The following STRN variants were observed in gnomAD, a reference collection of about 807,000 sequenced individuals.
The protein encoded by STRN is striatin, also known as protein phosphatase 2 regulatory subunit B'''alpha.
Under a neutral mutation model 96.3 loss-of-function variants are expected in STRN, and 53 were observed. The observed-to-expected ratio is 0.55, with a 90% CI of 0.44 to 0.69. The LOEUF (loss-of-function observed/expected upper bound fraction) is 0.69, where lower values mean the gene tolerates loss of function less well. STRN is among the 30% of genes least tolerant of loss of function. The probability of loss-of-function intolerance (pLI) is 0.00; values close to 1 mark genes in which losing one functional copy is unlikely to be tolerated. For missense variants in STRN, 987 were observed against 963.9 expected, an observed-to-expected ratio of 1.02 and a Z score of -0.32; for synonymous variants, 428 against 355.9, an observed-to-expected ratio of 1.20 and a Z score of -2.28.
chr2:36,965,994 G>A (rs548623849), intron 1 of STRN, among the ~76,000 whole-genome samples: 3 of 152,094 alleles, frequency 2.0e-5, no homozygotes, highest in African/African-American at 7.2e-5. Flanking sequence ...TGGGGCGGAC[G>A]AACAGGCGTG....
chr2:36,867,074 T>C (rs1668647251), intron 12 of STRN, among the ~76,000 whole-genome samples: 1 of 152,230 alleles, frequency 6.6e-6, no homozygotes, highest in South Asian at 2.1e-4. Context: ...ATCATGTTGT[T>C]AGCTGGTTAT....
chr2:36,843,381 C>T lies in STRN; in HGVS notation c.*6075G>A, dbSNP rs1667993483. On this transcript the variant is annotated 3_prime_UTR_variant, in exon 18 of 18. Transcript: ENST00000263918. ...TTGAAGGGGCAGGGAGTGTGGAAGG[C>T]TTGTGTATGTCTGTTAAGTAGCGAA... Among the ~76,000 whole-genome samples the T allele has an allele frequency of 6.6e-6, 1 of 152,040 alleles. No individual in the cohort carries two copies. Among genetic ancestry groups the T allele is most frequent in the South Asian group, 2.1e-4 (1 of 4,828 alleles).
chr2:36,879,074 G>C (rs1374546674), intron 9 of STRN, among the ~76,000 whole-genome samples: 1 of 147,790 alleles, frequency 6.8e-6, no homozygotes, highest in Non-Finnish European at 1.5e-5. Flanking sequence ...TTGTTTATTT[G>C]TTTTTTTTGT....
chr2:36,883,077 TAAG>T (rs1210944715), intron 9 of STRN, among the ~76,000 whole-genome samples: 1 of 152,190 alleles, frequency 6.6e-6, no homozygotes, highest in Non-Finnish European at 1.5e-5. Flanking sequence ...TGTATGATTT[TAAG>T]AACACAAAAT....
intron 2 of STRN, among the ~76,000 whole-genome samples, chr2:36,922,098 G>GA (rs562322008): frequency 8.5e-5 from 13 of 152,086 alleles, no homozygotes; most frequent in East Asian, 7.7e-4. Context: ...TGATTTAGGG[G>GA]AAAAAAATGG....
intron 1 of STRN, among the ~76,000 whole-genome samples, chr2:36,935,219 A>G (rs1670673022): frequency 6.6e-6 from 1 of 152,050 alleles, no homozygotes; most frequent in Admixed American, 6.6e-5. Flanking sequence ...ATGCCCTTTC[A>G]TTTTCGGATT....
At chr2:36,909,229 T>G (rs1160308241) in intron 3 of STRN, among the ~76,000 whole-genome samples, 7 of 151,756 alleles carry the variant, frequency 4.6e-5, no homozygotes. Flanking sequence ...ATTTCCTTAC[T>G]CAGGCTAAGC....
intron 5 of STRN, among the ~76,000 whole-genome samples, chr2:36,901,970 TAACA>T (rs1360944996): frequency 6.6e-6 from 1 of 152,184 alleles, no homozygotes; most frequent in African/African-American, 2.4e-5. Context: ...TTTATTCAAT[TAACA>T]ATCACGGAAA....
intron 10 of STRN, among the ~76,000 whole-genome samples, chr2:36,872,455 T>A (rs531589069): frequency 6.6e-6 from 1 of 152,204 alleles, no homozygotes; most frequent in East Asian, 1.9e-4. Flanking sequence ...TGCAACTACA[T>A]TGGAGACCCT....
intron 13 of STRN, among the ~76,000 whole-genome samples, chr2:36,860,608 T>G (rs1339177246): frequency 2.0e-5 from 3 of 152,218 alleles, no homozygotes; most frequent in Non-Finnish European, 4.4e-5. Context: ...TATCCATTGA[T>G]AGATTATAAT....
chr2:36,844,596 G>C lies in STRN; in HGVS notation c.*4860C>G, dbSNP rs532875879. ...GATTAGCAAAGATCCAGAAAATTCT[G>C]ACCCCCTAAGCACCACTTTAGGAAT... is the stretch of plus-strand genomic sequence containing the variant. On this transcript the variant is annotated 3_prime_UTR_variant, in exon 18 of 18. Transcript: ENST00000263918. 5 of 152,194 alleles carry C rather than the reference G, an allele frequency of 3.3e-5. No individual in the cohort carries two copies. In the South Asian group the frequency reaches 1.0e-3, roughly 32 times the overall value. The allele number at this position is 152,194 out of a possible 1,614,324, so 9.4% of individuals were successfully genotyped here. A position where few individuals can be genotyped will look rare whatever the true frequency, so the allele number is the denominator to read the frequency against.
At chr2:36,956,218 T>C (rs1558669299) in intron 1 of STRN, among the ~76,000 whole-genome samples, 1 of 152,222 alleles carries the variant, frequency 6.6e-6, no homozygotes, top group African/African-American at 2.4e-5. Flanking sequence ...TAATGCCTTC[T>C]GTCCATAGAA....
chr2:36,899,581 T>C lies in STRN; in HGVS notation c.737A>G (p.Asp246Gly). 6.2e-7 allele frequency: 1 copy of C among 1,613,826 alleles called. No individual in the cohort carries two copies. The highest frequency in any genetic ancestry group is 8.5e-7 in the Non-Finnish European group (1 of 1,179,946). The change falls in exon 6 of 18, where the codon GAT becomes GGT. Residue 246 changes from aspartate (D) to glycine (G), a missense_variant. By Grantham distance (94) the Asp-to-Gly change is moderately conservative. Transcript: ENST00000263918. ...ATCAACATCATCATCTTCATCTTCA[T>C]CACTGAAATCTGCAGCTGCACTTTC... ...FLESAAADFSDEDEDDDVDGR... is the reference protein window; with the variant it reads ...FLESAAADFSGEDEDDDVDGR...
chr2:36,916,177 A>G, intron 2 of STRN, 26 bp from the exon 3 acceptor site: 1 of 1,575,966 alleles, frequency 6.3e-7, no homozygotes, highest in Non-Finnish European at 8.7e-7. Context: ...GAAAATACAG[A>G]CCATCTTAAA....
At chr2:36,949,240 G>T (rs185509120) in intron 1 of STRN, among the ~76,000 whole-genome samples, 1 of 152,096 alleles carries the variant, frequency 6.6e-6, no homozygotes, top group Non-Finnish European at 1.5e-5. Flanking sequence ...TACCATCTAG[G>T]GTTGTGTAAG....
intron 6 of STRN, among the ~76,000 whole-genome samples, chr2:36,896,976 T>C (rs1466721461): frequency 2.0e-5 from 3 of 152,122 alleles, no homozygotes; most frequent in Non-Finnish European, 2.9e-5. Context: ...GAGACCAGCC[T>C]GACCAACATG....
In STRN at chr2:36,840,205, A is replaced by C. The variant is rs149304162; in HGVS notation, c.*9251T>G. ...AGTGGACCTGTTCTGAGCCCAGGAT[A>C]ATCAAGGCAGGCTCAGGTTCCAGGC... On this transcript the variant is annotated 3_prime_UTR_variant, in exon 18 of 18. Coordinates refer to ENST00000263918, the MANE Select transcript of STRN (RefSeq NM_003162.4). 6.0e-3 allele frequency: 908 copies of C among 152,210 alleles called. 2 individuals carry two copies. Among genetic ancestry groups the C allele is most frequent in the Non-Finnish European group, 9.8e-3 (664 of 68,040 alleles). The allele number at this position is 152,210 out of a possible 1,614,324, so 9.4% of individuals were successfully genotyped here. A position where few individuals can be genotyped will look rare whatever the true frequency, so the allele number is the denominator to read the frequency against.
At chr2:36,936,657 G>A (rs1297741904) in intron 1 of STRN, among the ~76,000 whole-genome samples, 1 of 152,134 alleles carries the variant, frequency 6.6e-6, no homozygotes, top group Non-Finnish European at 1.5e-5. Flanking sequence ...AACTATATTT[G>A]AGAAAGATGG....
At chr2:36,963,249 G>T (rs11685600) in intron 1 of STRN, among the ~76,000 whole-genome samples, 1 of 152,158 alleles carries the variant, frequency 6.6e-6, no homozygotes, top group African/African-American at 2.4e-5. Context: ...CCTTTCACAA[G>T]TCTTCCCTGG....
Sources: gnomAD v4.1 joint callset for allele counts (sites outside exome capture counted in the v4.1 genomes callset) on GRCh38, gnomAD v4.1.1 for gene constraint, MANE v1.5 for transcripts, NCBI Gene and HGNC (gene_info 2026-07-23, HGNC 2026-07-21) for gene names.